Variants in PXT1 observed in about 807,000 individuals in gnomAD.
The protein encoded by PXT1 is peroxisomal testis-specific protein 1.
In PXT1, 11 loss-of-function variants were observed where a neutral mutation model predicts 11.0. That is an observed-to-expected ratio of 1.00 (90% CI 0.63 to 1.66). The LOEUF is 1.66. Among genes scored for constraint, PXT1 ranks in the 40% most tolerant of loss-of-function variants. PXT1 has a pLI of 0.00. For missense variants in PXT1, 141 were observed against 155.5 expected (o/e 0.91, Z 0.49); for synonymous variants, 43 against 51.4 (o/e 0.84, Z 0.70).
rs1774068868 is a variant in PXT1, at chr6:36,391,713, T to A, written c.*57A>T. ...TTCCCATCTGTCCCAGTGGGATTCA[T>A]GTTTCTCAGAGGGTAAAAAGAAAAC... is the stretch of plus-strand genomic sequence containing the variant. On this transcript the variant is annotated 3_prime_UTR_variant, in exon 5 of 5. Coordinates refer to ENST00000454782, the MANE Select transcript of PXT1 (RefSeq NM_152990.4). 8.8e-7 allele frequency: 1 copy of A among 1,140,052 alleles called. No homozygotes were observed. Among genetic ancestry groups the A allele is most frequent in the African/African-American group, 1.5e-5 (1 of 65,394 alleles). 70.6% of individuals were successfully genotyped at this position (1,140,052 alleles called of 1,614,324 possible).
chr6:36,411,385 A>T (rs959246579), intron 3 of PXT1, among the ~76,000 whole-genome samples: 1 of 152,180 alleles, frequency 6.6e-6, no homozygotes, highest in Non-Finnish European at 1.5e-5. Flanking sequence ...CAGGAGGTGG[A>T]GGTTGCAATG....
At chr6:36,412,301 G>A (rs549105665) in intron 3 of PXT1, among the ~76,000 whole-genome samples, 7 of 150,384 alleles carry the variant, frequency 4.7e-5, no homozygotes, top group African/African-American at 9.8e-5. Flanking sequence ...GCAATGAGCC[G>A]AGATTGTGCC....
intron 2 of PXT1, among the ~76,000 whole-genome samples, chr6:36,435,441 G>A (rs138845769): frequency 5.5e-4 from 83 of 151,976 alleles, no homozygotes; most frequent in African/African-American, 1.7e-3. Context: ...CTCTGCTCCT[G>A]TAGTCCAGCT....
At chr6:36,416,753 T>C (rs1480088599) in intron 3 of PXT1, among the ~76,000 whole-genome samples, 1 of 152,254 alleles carries the variant, frequency 6.6e-6, no homozygotes, top group Non-Finnish European at 1.5e-5. Flanking sequence ...ACTATATAGA[T>C]ACTATAATGT....
Position 36,393,663 on chromosome 6 carries a change from G to A in PXT1, c.301-1789C>T, listed in dbSNP as rs534898797. On this transcript the variant is annotated intron_variant, in intron 4 of 4. Transcript: ENST00000454782. Reference sequence around the variant, plus strand: ...ATAATTGCTTGCACCTGGGAGCAGAGGTTGCGGTGACAACTTTGTGCCATG... The same window carrying A: ...ATAATTGCTTGCACCTGGGAGCAGAAGTTGCGGTGACAACTTTGTGCCATG... Among the ~76,000 whole-genome samples the A allele has an allele frequency of 1.1e-3, 173 of 152,066 alleles. 1 individual carries two copies. The highest frequency in any genetic ancestry group is 2.7e-3 in the African/African-American group (114 of 41,460).
intron 3 of PXT1, among the ~76,000 whole-genome samples, chr6:36,419,135 A>G (rs1160684529): frequency 6.6e-6 from 1 of 152,236 alleles, no homozygotes; most frequent in Non-Finnish European, 1.5e-5. Context: ...CCTGAAAAAA[A>G]GTGAGGACAT....
At chr6:36,418,071 C>T (rs1774476114) in intron 3 of PXT1, among the ~76,000 whole-genome samples, 1 of 151,986 alleles carries the variant, frequency 6.6e-6, no homozygotes, top group Non-Finnish European at 1.5e-5. Context: ...TGGCGGGCGC[C>T]TGTGGTCCCA....
intron 3 of PXT1, among the ~76,000 whole-genome samples, chr6:36,420,554 G>T (rs937655930): frequency 1.3e-5 from 2 of 152,156 alleles, no homozygotes; most frequent in African/African-American, 4.8e-5. Context: ...CCTAAGATAG[G>T]GAACTGGGGG....
At chr6:36,435,531 T>C (rs1478587580) in intron 2 of PXT1, among the ~76,000 whole-genome samples, 1 of 152,014 alleles carries the variant, frequency 6.6e-6, no homozygotes, top group East Asian at 1.9e-4. Flanking sequence ...CACTGCACTC[T>C]AGCCTGGGTG....
intron 3 of PXT1, among the ~76,000 whole-genome samples, chr6:36,409,270 A>G (rs1246864887): frequency 2.0e-5 from 3 of 152,226 alleles, no homozygotes; most frequent in Non-Finnish European, 2.9e-5. Context: ...AGGCAGGTCA[A>G]CAACAGATGA....
At chr6:36,407,218 C>A (rs1278028221) in intron 3 of PXT1, among the ~76,000 whole-genome samples, 1 of 152,116 alleles carries the variant, frequency 6.6e-6, no homozygotes, top group Non-Finnish European at 1.5e-5. Flanking sequence ...ACATTATTTG[C>A]TAGCTAAAGA....
At chr6:36,418,251 T>C (rs572351913) in intron 3 of PXT1, among the ~76,000 whole-genome samples, 1 of 152,224 alleles carries the variant, frequency 6.6e-6, no homozygotes, top group East Asian at 1.9e-4. Flanking sequence ...CATAGGTTTG[T>C]TGTTGTTGTT....
chr6:36,425,808 ATATATATAT>A (rs1561932397), intron 3 of PXT1, 97 bp downstream of exon 3: 22 of 158,450 alleles, frequency 1.4e-4, no homozygotes, highest in African/African-American at 8.4e-4. Flanking sequence ...AACAAAAAAT[ATATATATAT>A]ATATATATAT....
intron 3 of PXT1, among the ~76,000 whole-genome samples, chr6:36,416,311 T>C (rs1339816473): frequency 3.3e-5 from 5 of 152,166 alleles, no homozygotes; most frequent in Non-Finnish European, 5.9e-5. Context: ...ATCATGCCAC[T>C]GCACTCCTGC....
At chr6:36,435,401 T>A (rs574848426) in intron 2 of PXT1, among the ~76,000 whole-genome samples, 373 of 144,088 alleles carry the variant, frequency 2.6e-3, no homozygotes, top group African/African-American at 5.7e-3. Flanking sequence ...TCTACAAAAA[T>A]TTTTTTTTTT....
At chr6:36,433,476 T>C (rs978017541) in intron 2 of PXT1, among the ~76,000 whole-genome samples, 1 of 151,942 alleles carries the variant, frequency 6.6e-6, no homozygotes, top group African/African-American at 2.4e-5. Flanking sequence ...GAAATCAGTG[T>C]CATGGGGGAA....
Position 36,435,320 on chromosome 6 carries a change from G to C in PXT1, c.-10+3447C>G, listed in dbSNP as rs150154501. ...CGCCTGTAATGCCAGCACTTCGAGA[G>C]GTCAAGGCAGGAGGATCGCTTGAGC... On this transcript the variant is annotated intron_variant, in intron 2 of 4. Transcript: ENST00000454782. Among the ~76,000 whole-genome samples the C allele has an allele frequency of 3.5e-3, 531 of 152,328 alleles. 1 individual carries two copies. The highest frequency in any genetic ancestry group is 0.012 in the African/African-American group (505 of 41,564).
chr6:36,429,807 G>A (rs1237482273), intron 2 of PXT1, among the ~76,000 whole-genome samples: 3 of 151,448 alleles, frequency 2.0e-5, no homozygotes, highest in Admixed American at 2.0e-4. Context: ...GCTGGGCTAA[G>A]TCTTATTATT....
chr6:36,441,054 C>T (rs572191598), intron 1 of PXT1, among the ~76,000 whole-genome samples: 13 of 151,006 alleles, frequency 8.6e-5, no homozygotes, highest in African/African-American at 3.2e-4. Context: ...ATAGCTTGAG[C>T]CTAGGAGTTC....
Sources: allele counts gnomAD v4.1 joint callset (sites outside exome capture counted in the v4.1 genomes callset), GRCh38; gene constraint gnomAD v4.1.1; transcripts MANE v1.5; gene names NCBI Gene and HGNC (gene_info 2026-07-23, HGNC 2026-07-21).